TSPAN12: variants seen among roughly 807,000 people sequenced by gnomAD.
The protein encoded by TSPAN12 is tetraspanin-12.
TSPAN12 carries 19 observed loss-of-function variants against 39.2 expected under a neutral mutation model. The ratio of observed to expected loss-of-function variants is 0.49; its 90% CI spans 0.34 to 0.71. The LOEUF (loss-of-function observed/expected upper bound fraction) is 0.71, where lower values mean the gene tolerates loss of function less well. Among genes scored for constraint, TSPAN12 ranks in the 30% least tolerant of loss-of-function variants. TSPAN12 has a pLI of 0.01. For synonymous variants in TSPAN12, 119 were observed against 124.8 expected (o/e 0.95, Z 0.31); for missense variants, 314 against 359.9 (o/e 0.87, Z 1.03).
At chr7:120,838,995 G>T in intron 3 of TSPAN12, 83 bp from the exon 4 acceptor site, 2 of 1,415,416 alleles carry the variant, frequency 1.4e-6, no homozygotes, top group Non-Finnish European at 2.0e-6. Context: ...ACTGTGATTT[G>T]TGTTAATAAT....
chr7:120,792,676 G>A (rs1219895230), intron 7 of TSPAN12, among the ~76,000 whole-genome samples: 1 of 152,176 alleles, frequency 6.6e-6, no homozygotes, highest in African/African-American at 2.4e-5. Flanking sequence ...AGCTAACTGA[G>A]TAGAAACTTC....
At chr7:120,794,803 G>C (rs1294813099) in intron 7 of TSPAN12, among the ~76,000 whole-genome samples, 1 of 152,170 alleles carries the variant, frequency 6.6e-6, no homozygotes, top group Non-Finnish European at 1.5e-5. Flanking sequence ...GTCTGTATAA[G>C]ATGATTGACC....
At chr7:120,824,311 A>G (rs1298440746) in intron 4 of TSPAN12, among the ~76,000 whole-genome samples, 5 of 151,386 alleles carry the variant, frequency 3.3e-5, no homozygotes, top group Admixed American at 2.6e-4. Flanking sequence ...GCATGATGGC[A>G]CACCCCTATA....
intron 2 of TSPAN12, among the ~76,000 whole-genome samples, chr7:120,847,038 T>A (rs1794683394): frequency 6.6e-6 from 1 of 152,094 alleles, no homozygotes. Flanking sequence ...GCATGGAGTC[T>A]TGGAAGCCAT....
At chr7:120,841,516 G>A (rs1318699618) in intron 2 of TSPAN12, among the ~76,000 whole-genome samples, 2 of 152,120 alleles carry the variant, frequency 1.3e-5, no homozygotes, top group East Asian at 1.9e-4. Context: ...TTTGGATCCC[G>A]ATTCAAACAA....
Position 120,854,189 on chromosome 7 carries a change from T to C in TSPAN12, c.66+2509A>G, listed in dbSNP as rs187631582. The stretch of plus-strand genomic sequence containing the variant: ...TTACCAACAAGATGGCAACAAATAT[T>C]TTTGTACATATAATGGGGTAATTAC... On this transcript the variant is annotated intron_variant, in intron 2 of 7. Transcript: ENST00000222747. Among the ~76,000 whole-genome samples the C allele has an allele frequency of 2.9e-3, 447 of 152,272 alleles. 3 individuals carry two copies. Among genetic ancestry groups the C allele is most frequent in the African/African-American group, 0.01 (430 of 41,542 alleles).
At chr7:120,837,461 G>A (rs943858777) in intron 4 of TSPAN12, among the ~76,000 whole-genome samples, 6 of 151,904 alleles carry the variant, frequency 3.9e-5, no homozygotes, top group East Asian at 1.9e-4. Context: ...ACAGGTGCCC[G>A]CCAACATGCC....
chr7:120,856,750 T>A lies in TSPAN12; in HGVS notation c.14A>T (p.Asp5Val), dbSNP rs1388069959. 1.2e-6 allele frequency: 2 copies of A among 1,614,070 alleles called. No homozygotes were observed. The highest frequency in any genetic ancestry group is 1.7e-6 in the Non-Finnish European group (2 of 1,180,034). The change falls in exon 2 of 8, where the codon GAT (aspartate) becomes GTT (valine). Residue 5 changes from aspartate (D) to valine (V), a missense_variant. Asp to Val is a radical substitution (Grantham distance 152). Coordinates refer to ENST00000222747, the MANE Select transcript of TSPAN12 (RefSeq NM_012338.4). The part of the protein sequence containing the change: MARE[D>V]SVKCLRCLLY... ...CAGGCAGCGCAGACACTTCACGGAATCTTCTCTGGCCATTGTGAGCCCCGT... is the reference window on the plus strand; with the variant it reads ...CAGGCAGCGCAGACACTTCACGGAAACTTCTCTGGCCATTGTGAGCCCCGT...
At position 120,823,217 on chromosome 7, in the gene TSPAN12, G is replaced by A. The variant is rs897286901; in HGVS notation, c.286-7414C>T. ...AAGGAAATTCCAGAACGGTAGTAAA[G>A]GGATATCCCATGATATCCTTTTACT... On this transcript the variant is annotated intron_variant, in intron 4 of 7. Coordinates refer to ENST00000222747, the MANE Select transcript of TSPAN12 (RefSeq NM_012338.4). 7.9e-5 allele frequency among the ~76,000 whole-genome samples: 12 copies of A among 152,088 alleles called. No homozygotes were observed. The South Asian group carries it at 1.0e-3, about 13-fold the overall frequency.
chr7:120,818,451 G>GA (rs1162175612), intron 4 of TSPAN12, among the ~76,000 whole-genome samples: 1 of 152,058 alleles, frequency 6.6e-6, no homozygotes, highest in Non-Finnish European at 1.5e-5. Flanking sequence ...ACTGAATTAG[G>GA]ATTGTGAGCC....
chr7:120,836,742 A>G (rs772964481), intron 4 of TSPAN12, among the ~76,000 whole-genome samples: 1 of 152,200 alleles, frequency 6.6e-6, no homozygotes, highest in South Asian at 2.1e-4. Flanking sequence ...CCACTTTTGC[A>G]TTATAATGCT....
intron 4 of TSPAN12, among the ~76,000 whole-genome samples, chr7:120,835,864 G>C (rs1004070636): frequency 6.6e-6 from 1 of 152,196 alleles, no homozygotes; most frequent in Non-Finnish European, 1.5e-5. Flanking sequence ...TAAGAAGACA[G>C]CAAGAATAAA....
At chr7:120,844,995 A>G (rs1349041229) in intron 2 of TSPAN12, among the ~76,000 whole-genome samples, 1 of 152,166 alleles carries the variant, frequency 6.6e-6, no homozygotes, top group Non-Finnish European at 1.5e-5. Flanking sequence ...ATCCTCTGAA[A>G]TTGAGTCAGA....
intron 1 of TSPAN12, 27 bp from the exon 2 acceptor site, chr7:120,856,860 C>T: frequency 1.5e-6 from 2 of 1,300,544 alleles, no homozygotes; most frequent in Non-Finnish European, 2.2e-6. Context: ...AGAGAGAACA[C>T]GGGACATCTC....
intron 3 of TSPAN12, 96 bp from the exon 4 acceptor site, chr7:120,839,008 T>C: frequency 7.6e-7 from 1 of 1,316,354 alleles, no homozygotes; most frequent in Non-Finnish European, 1.1e-6. Context: ...TTAATAATTC[T>C]TTCAATCATG....
rs1794010194 is a variant in TSPAN12, at chr7:120,812,971, C to T, written c.361-2401G>A. On this transcript the variant is annotated intron_variant, in intron 5 of 7. Transcript: ENST00000222747. ...AATATATCAATTTTTTTAAACTTTA[C>T]CTTCTAAAATAAATACAGGTTGTTT... 3.9e-5 allele frequency among the ~76,000 whole-genome samples: 6 copies of T among 152,142 alleles called. No homozygotes were observed. The South Asian group carries it at 1.2e-3, about 32-fold the overall frequency.
intron 2 of TSPAN12, among the ~76,000 whole-genome samples, chr7:120,847,281 C>T (rs1417281423): frequency 6.7e-6 from 1 of 149,994 alleles, no homozygotes; most frequent in East Asian, 2.0e-4. Flanking sequence ...ATATACATAA[C>T]CTATAATTAC....
intron 4 of TSPAN12, among the ~76,000 whole-genome samples, chr7:120,817,463 A>G (rs1260092518): frequency 2.0e-5 from 3 of 152,140 alleles, no homozygotes; most frequent in Non-Finnish European, 4.4e-5. Flanking sequence ...GATTAGAAAA[A>G]AACAGCAACT....
intron 4 of TSPAN12, among the ~76,000 whole-genome samples, chr7:120,836,365 C>T (rs1211560671): frequency 2.6e-5 from 4 of 152,018 alleles, no homozygotes; most frequent in Non-Finnish European, 5.9e-5. Context: ...GAATGGAGAA[C>T]GAACAGCCAA....
Sources: allele counts gnomAD v4.1 joint callset (sites outside exome capture counted in the v4.1 genomes callset), GRCh38; gene constraint gnomAD v4.1.1; transcripts MANE v1.5; gene names NCBI Gene and HGNC (gene_info 2026-07-23, HGNC 2026-07-21).